Variants in SWT1 observed in about 807,000 individuals in gnomAD.
SWT1 encodes the protein transcriptional protein SWT1.
In SWT1, 33 loss-of-function variants were observed where a neutral mutation model predicts 107.3. The ratio of observed to expected loss-of-function variants is 0.31; its 90% CI spans 0.23 to 0.41. The LOEUF is 0.41. Among genes scored for constraint, SWT1 ranks in the 10% least tolerant of loss-of-function variants. The probability of loss-of-function intolerance (pLI) is 1.00; values close to 1 mark genes in which losing one functional copy is unlikely to be tolerated. For synonymous variants in SWT1, 345 were observed against 348.3 expected (o/e 0.99, Z 0.11); for missense variants, 898 against 1,028.9 (o/e 0.87, Z 1.74).
At chr1:185,226,201 T>C (rs1357703207) in intron 15 of SWT1, among the ~76,000 whole-genome samples, 1 of 152,218 alleles carries the variant, frequency 6.6e-6, no homozygotes, top group Non-Finnish European at 1.5e-5. Flanking sequence ...TGTTGGATGC[T>C]AGGGAGTTTT....
intron 15 of SWT1, among the ~76,000 whole-genome samples, chr1:185,226,644 A>G (rs968999425): frequency 1.2e-4 from 19 of 152,096 alleles, no homozygotes; most frequent in Admixed American, 2.0e-4. Context: ...GAATTTAGTT[A>G]AGTGTTAGAT....
intron 18 of SWT1, among the ~76,000 whole-genome samples, chr1:185,278,474 T>C (rs1664397541): frequency 6.6e-6 from 1 of 152,200 alleles, no homozygotes; most frequent in African/African-American, 2.4e-5. Context: ...TATTTAATTA[T>C]GGCAGCCTGG....
At chr1:185,222,710 AACTG>A (rs1300972799) in intron 15 of SWT1, among the ~76,000 whole-genome samples, 1 of 148,452 alleles carries the variant, frequency 6.7e-6, no homozygotes, top group East Asian at 2.0e-4. Flanking sequence ...GGTTGCGGTG[AACTG>A]ACTGTGCCAC....
At chr1:185,249,937 ATTAC>A (rs1216184944) in intron 16 of SWT1, among the ~76,000 whole-genome samples, 2 of 152,190 alleles carry the variant, frequency 1.3e-5, no homozygotes, top group Non-Finnish European at 1.5e-5. Flanking sequence ...TTCTTTTTGT[ATTAC>A]TTCTCTCTTT....
At chr1:185,251,845 C>T (rs1662052894) in intron 16 of SWT1, among the ~76,000 whole-genome samples, 1 of 151,558 alleles carries the variant, frequency 6.6e-6, no homozygotes, top group African/African-American at 2.4e-5. Flanking sequence ...GCACATTGTG[C>T]AGGTTAGTTA....
intron 10 of SWT1, among the ~76,000 whole-genome samples, chr1:185,196,241 A>T (rs749494763): frequency 1.3e-4 from 20 of 152,176 alleles, no homozygotes; most frequent in Non-Finnish European, 2.6e-4. Context: ...ACCATTTATT[A>T]TATAGGGAAT....
At chr1:185,224,906 C>G (rs572823959) in intron 15 of SWT1, among the ~76,000 whole-genome samples, 1 of 152,180 alleles carries the variant, frequency 6.6e-6, no homozygotes. Context: ...TGTCTGTGAA[C>G]AGGGATAATT....
intron 16 of SWT1, among the ~76,000 whole-genome samples, chr1:185,262,004 T>G (rs1571651980): frequency 6.6e-6 from 1 of 152,080 alleles, no homozygotes. Flanking sequence ...GAGTAAATGG[T>G]GGGAGGATAC....
At chr1:185,265,755 A>T (rs183126801) in intron 16 of SWT1, among the ~76,000 whole-genome samples, 85 of 152,348 alleles carry the variant, frequency 5.6e-4, no homozygotes, top group African/African-American at 2.0e-3. Flanking sequence ...TATTTAGTGG[A>T]TGCTCGATAA....
At chr1:185,175,657 A>G (rs1655484090) in intron 5 of SWT1, among the ~76,000 whole-genome samples, 1 of 152,218 alleles carries the variant, frequency 6.6e-6, no homozygotes, top group South Asian at 2.1e-4. Context: ...TTTGGCAGGT[A>G]TCAAGGATTC....
intron 16 of SWT1, among the ~76,000 whole-genome samples, chr1:185,253,909 G>T (rs1662260804): frequency 6.6e-6 from 1 of 151,238 alleles, no homozygotes; most frequent in African/African-American, 2.5e-5. Context: ...GATATTGGCT[G>T]TGGGTTTGTC....
At chr1:185,184,398 T>C in intron 8 of SWT1, 54 bp downstream of exon 8, 1 of 1,052,914 alleles carries the variant, frequency 9.5e-7, no homozygotes, top group Non-Finnish European at 1.4e-6. Context: ...GTTGATATTT[T>C]ATATTAACAA....
In SWT1 at chr1:185,290,659, T is replaced by A; in HGVS notation, c.2574-15T>A. 1.3e-6 allele frequency: 2 copies of A among 1,558,496 alleles called. No homozygotes were observed. The highest frequency in any genetic ancestry group is 1.7e-6 in the Non-Finnish European group (2 of 1,151,574). ...TAGCTGTCTTGCAATGATTTAATAT[T>A]TCTTTTTCTCCTAGGGAAAAGTTAA... On this transcript the variant is annotated splice_polypyrimidine_tract_variant and intron_variant, in intron 18 of 18. Coordinates refer to ENST00000367500, the MANE Select transcript of SWT1 (RefSeq NM_017673.7).
At chr1:185,216,239 G>T (rs999312157) in intron 14 of SWT1, among the ~76,000 whole-genome samples, 15 of 151,988 alleles carry the variant, frequency 9.9e-5, no homozygotes. Flanking sequence ...CCAAAACATT[G>T]GTAGTTTTAT....
intron 10 of SWT1, among the ~76,000 whole-genome samples, 182 bp downstream of exon 10, chr1:185,190,824 C>G (rs1275588848): frequency 6.6e-6 from 1 of 152,108 alleles, no homozygotes; most frequent in Non-Finnish European, 1.5e-5. Flanking sequence ...AATGAGATCT[C>G]AACTAGATGA....
At chr1:185,254,678 T>C (rs1259181883) in intron 16 of SWT1, among the ~76,000 whole-genome samples, 1 of 152,086 alleles carries the variant, frequency 6.6e-6, no homozygotes, top group South Asian at 2.1e-4. Context: ...CTTTTTTTCT[T>C]TATTAGTCTT....
chr1:185,231,756 C>G lies in SWT1; in HGVS notation c.2441+48C>G, dbSNP rs1156364646. 2.0e-6 allele frequency: 3 copies of G among 1,494,108 alleles called. No individual in the cohort carries two copies. The African/African-American group carries it at 4.2e-5, about 21-fold the overall frequency. 92.6% of individuals were successfully genotyped at this position (1,494,108 alleles called of 1,614,324 possible). ...AGTGTTATTTACTTATTACTTTTCT[C>G]TTTCTCCTAGGCTTACCAACTTTTT... On this transcript the variant is annotated intron_variant, in intron 16 of 18. Coordinates refer to ENST00000367500, the MANE Select transcript of SWT1 (RefSeq NM_017673.7).
chr1:185,260,004 G>A (rs1327733228), intron 16 of SWT1, among the ~76,000 whole-genome samples: 1 of 152,154 alleles, frequency 6.6e-6, no homozygotes, highest in Non-Finnish European at 1.5e-5. Context: ...CTGTTATATA[G>A]CAAGAGTCAT....
chr1:185,281,171 G>A (rs1664594035), intron 18 of SWT1: 1 of 231,682 alleles, frequency 4.3e-6, no homozygotes. Flanking sequence ...AACTTTACAA[G>A]AATGCCATTG....
Sources: allele counts gnomAD v4.1 joint callset (sites outside exome capture counted in the v4.1 genomes callset), GRCh38; gene constraint gnomAD v4.1.1; transcripts MANE v1.5; gene names NCBI Gene and HGNC (gene_info 2026-07-23, HGNC 2026-07-21).